Variants in GRID2 observed in about 807,000 individuals in gnomAD.
GRID2 encodes glutamate ionotropic receptor delta type subunit 2.
In GRID2, 33 loss-of-function variants were observed where a neutral mutation model predicts 114.8. That is an observed-to-expected ratio of 0.29 (90% CI 0.22 to 0.38). GRID2 has a LOEUF of 0.38. GRID2 is among the 10% of genes least tolerant of loss of function. The pLI is 1.00. For synonymous variants in GRID2, 505 were observed against 449.9 expected, an observed-to-expected ratio of 1.12 and a Z score of -1.55; for missense variants, 1,184 against 1,257.7, an observed-to-expected ratio of 0.94 and a Z score of 0.89.
intron 2 of GRID2, among the ~76,000 whole-genome samples, chr4:93,021,528 T>C (rs1723286338): frequency 6.8e-6 from 1 of 147,050 alleles, no homozygotes; most frequent in African/African-American, 2.5e-5. Flanking sequence ...GGCTTATTTT[T>C]GTAAATAAAA....
chr4:93,170,593 G>A (rs1738710865), intron 4 of GRID2, among the ~76,000 whole-genome samples: 1 of 152,078 alleles, frequency 6.6e-6, no homozygotes, highest in African/African-American at 2.4e-5. Context: ...TGCATTTTGG[G>A]GGCATTAATT....
chr4:92,490,301 TAG>T (rs1375418557), intron 1 of GRID2, among the ~76,000 whole-genome samples: 1 of 152,106 alleles, frequency 6.6e-6, no homozygotes, highest in African/African-American at 2.4e-5. Context: ...AACACAGAAA[TAG>T]AGTTAGAAGA....
intron 2 of GRID2, among the ~76,000 whole-genome samples, chr4:92,840,380 T>C (rs1742795895): frequency 6.6e-6 from 1 of 152,002 alleles, no homozygotes; most frequent in African/African-American, 2.4e-5. Context: ...TGTTTTCTGT[T>C]TGTCTTGTAG....
At chr4:93,352,354 C>T (rs1368715) in intron 8 of GRID2, among the ~76,000 whole-genome samples, 67,586 of 151,786 alleles carry the variant, frequency 0.45, 16,007 homozygotes, top group East Asian at 0.7. Flanking sequence ...GTACCAGGAA[C>T]CCTGGAAAAA....
intron 8 of GRID2, among the ~76,000 whole-genome samples, chr4:93,257,704 G>T (rs1749748790): frequency 6.6e-6 from 1 of 151,190 alleles, no homozygotes; most frequent in South Asian, 2.1e-4. Context: ...AATTTTGACA[G>T]CATTTTATGA....
chr4:92,540,173 G>A (rs1039386691), intron 1 of GRID2, among the ~76,000 whole-genome samples: 3 of 152,090 alleles, frequency 2.0e-5, no homozygotes, highest in African/African-American at 7.2e-5. Context: ...TTCAATGTTA[G>A]ACCTAAAACC....
intron 1 of GRID2, among the ~76,000 whole-genome samples, chr4:92,382,218 A>T (rs1365959464): frequency 1.3e-5 from 2 of 151,476 alleles, no homozygotes; most frequent in African/African-American, 4.9e-5. Flanking sequence ...GGTGGTAGAA[A>T]ATACTATATT....
chr4:92,973,203 G>A (rs28736673), intron 2 of GRID2, among the ~76,000 whole-genome samples: 1 of 152,108 alleles, frequency 6.6e-6, no homozygotes, highest in Non-Finnish European at 1.5e-5. Flanking sequence ...AGACAGTGTG[G>A]TGATTCCTCA....
intron 9 of GRID2, among the ~76,000 whole-genome samples, chr4:93,413,800 T>A (rs1767442770): frequency 6.6e-6 from 1 of 152,196 alleles, no homozygotes; most frequent in Non-Finnish European, 1.5e-5. Flanking sequence ...TATGTAGGGA[T>A]AAAAAAGAAA....
chr4:92,725,351 A>G (rs933557922), intron 2 of GRID2, among the ~76,000 whole-genome samples: 3 of 152,158 alleles, frequency 2.0e-5, no homozygotes, highest in Non-Finnish European at 4.4e-5. Context: ...GATAAATTGG[A>G]GAGTCTAACA....
intron 2 of GRID2, among the ~76,000 whole-genome samples, chr4:92,640,525 C>A (rs561255322): frequency 6.6e-4 from 100 of 151,430 alleles, no homozygotes; most frequent in South Asian, 4.4e-3. Context: ...CAGCTAAAGC[C>A]CAGGATATGA....
chr4:92,639,690 C>A (rs921481621), intron 2 of GRID2, among the ~76,000 whole-genome samples: 1 of 151,586 alleles, frequency 6.6e-6, no homozygotes, highest in Non-Finnish European at 1.5e-5. Flanking sequence ...ATGGATACGA[C>A]GTGGATTATT....
chr4:92,821,161 A>G (rs1741256320), intron 2 of GRID2, among the ~76,000 whole-genome samples: 1 of 152,206 alleles, frequency 6.6e-6, no homozygotes, highest in Non-Finnish European at 1.5e-5. Flanking sequence ...TTAATTCAAC[A>G]TAATTTAGGC....
At chr4:93,758,948 G>A (rs1163355601) in intron 14 of GRID2, among the ~76,000 whole-genome samples, 1 of 151,702 alleles carries the variant, frequency 6.6e-6, no homozygotes, top group African/African-American at 2.4e-5. Flanking sequence ...ATCACCAAAA[G>A]CGTTCTCTTT....
chr4:92,960,880 T>A (rs1401960054), intron 2 of GRID2, among the ~76,000 whole-genome samples: 2 of 151,900 alleles, frequency 1.3e-5, no homozygotes, highest in African/African-American at 4.8e-5. Context: ...CATTTCATCT[T>A]CTTTTTATCT....
At position 93,003,187 on chromosome 4, in the gene GRID2, A is replaced by G. The variant is rs1721179628; in HGVS notation, c.245-81808A>G. Among the ~76,000 whole-genome samples the G allele has an allele frequency of 2.6e-5, 4 of 151,920 alleles. No individual in the cohort carries two copies. In the Admixed American group the frequency reaches 2.6e-4, roughly 10 times the overall value. On this transcript the variant is annotated intron_variant, in intron 2 of 15. Transcript: ENST00000282020. The stretch of plus-strand genomic sequence containing the variant: ...GTTATTCAGCCTACCAAAATGATAC[A>G]AACTGCCAGTCTATAGAATTATTTA...
chr4:93,155,763 T>C (rs909135721), intron 4 of GRID2, among the ~76,000 whole-genome samples: 14 of 151,534 alleles, frequency 9.2e-5, no homozygotes, highest in Non-Finnish European at 1.6e-4. Flanking sequence ...GGACAGGCAA[T>C]AGAGAAGTGT....
chr4:93,483,469 G>A (rs1726069731), intron 11 of GRID2, among the ~76,000 whole-genome samples: 1 of 151,768 alleles, frequency 6.6e-6, no homozygotes, highest in South Asian at 2.1e-4. Context: ...TATAAGAAGT[G>A]GATTTACCAA....
rs116667814 is a variant in GRID2 at position 92,803,915 on chromosome 4, G to C, written c.244+213629G>C. On this transcript the variant is annotated intron_variant, in intron 2 of 15. Transcript: ENST00000282020. ...CAGTAGAGTCATGCTCTCTCCAAAGGCTCTAGGGATGGATTCTTCTGTGCC... is the reference window on the plus strand; with the variant it reads ...CAGTAGAGTCATGCTCTCTCCAAAGCCTCTAGGGATGGATTCTTCTGTGCC... Among the ~76,000 whole-genome samples the C allele has an allele frequency of 6.2e-3, 936 of 151,994 alleles. 11 individuals carry two copies. The highest frequency in any genetic ancestry group is 0.021 in the African/African-American group (887 of 41,512).
Sources: gnomAD v4.1 joint callset for allele counts (sites outside exome capture counted in the v4.1 genomes callset) on GRCh38, gnomAD v4.1.1 for gene constraint, MANE v1.5 for transcripts, NCBI Gene and HGNC (gene_info 2026-07-23, HGNC 2026-07-21) for gene names.